The following PTPRD variants were observed in gnomAD, a reference collection of about 807,000 sequenced individuals.
PTPRD encodes the protein receptor-type tyrosine-protein phosphatase delta.
PTPRD carries 34 observed loss-of-function variants against 214.5 expected under a neutral mutation model. The ratio of observed to expected loss-of-function variants is 0.16; its 90% CI spans 0.12 to 0.21. The LOEUF is 0.21. Among genes scored for constraint, PTPRD ranks in the 10% least tolerant of loss-of-function variants. The probability of loss-of-function intolerance (pLI) is 1.00; values close to 1 mark genes in which losing one functional copy is unlikely to be tolerated. For synonymous variants in PTPRD, 1,128 were observed against 845.7 expected (o/e 1.33, Z -5.79); for missense variants, 2,545 against 2,398.7 (o/e 1.06, Z -1.27).
intron 5 of PTPRD, among the ~76,000 whole-genome samples, chr9:9,892,616 T>G (rs191674153): frequency 6.6e-6 from 1 of 152,000 alleles, no homozygotes; most frequent in Non-Finnish European, 1.5e-5. Flanking sequence ...GGCCAAACTG[T>G]TGGGAAATGA....
chr9:9,894,713 C>G (rs1284173805), intron 5 of PTPRD, among the ~76,000 whole-genome samples: 1 of 151,998 alleles, frequency 6.6e-6, no homozygotes. Flanking sequence ...TAATATCTCT[C>G]TTTTTTATTA....
chr9:9,911,794 G>A (rs2079264933), intron 5 of PTPRD, among the ~76,000 whole-genome samples: 1 of 151,968 alleles, frequency 6.6e-6, no homozygotes, highest in Non-Finnish European at 1.5e-5. Context: ...AAGAGAAAAT[G>A]TTAATAAAAT....
chr9:10,413,108 G>T lies in PTPRD; in HGVS notation c.-599-72091C>A, dbSNP rs1321526846. ...ATTCAACATAGTATTGAAAGTCATAGGAAGAGCAATCAGGCAAGAGAAAGA... is the reference window on the plus strand; with the variant it reads ...ATTCAACATAGTATTGAAAGTCATATGAAGAGCAATCAGGCAAGAGAAAGA... On this transcript the variant is annotated intron_variant, in intron 2 of 45. Transcript: ENST00000381196. Among the ~76,000 whole-genome samples, 5 of 151,890 alleles carry T rather than the reference G, an allele frequency of 3.3e-5. No individual in the cohort carries two copies. The East Asian group carries it at 9.8e-4, about 30-fold the overall frequency.
chr9:9,417,843 C>T (rs978535105), intron 8 of PTPRD, among the ~76,000 whole-genome samples: 2 of 152,042 alleles, frequency 1.3e-5, no homozygotes, highest in Non-Finnish European at 2.9e-5. Context: ...GCACTTTGAA[C>T]ATACCTATGC....
intron 7 of PTPRD, among the ~76,000 whole-genome samples, chr9:9,673,654 T>G (rs1481380953): frequency 6.6e-6 from 1 of 151,608 alleles, no homozygotes; most frequent in Non-Finnish European, 1.5e-5. Context: ...AAAATATTTC[T>G]GTATCAATGA....
intron 11 of PTPRD, among the ~76,000 whole-genome samples, chr9:8,991,211 T>A (rs2099365260): frequency 6.9e-6 from 1 of 145,358 alleles, no homozygotes; most frequent in Admixed American, 6.9e-5. Context: ...AGAGTGACAC[T>A]CTGTCTCAAA....
chr9:9,534,631 C>T (rs545048061), intron 8 of PTPRD, among the ~76,000 whole-genome samples: 2 of 151,948 alleles, frequency 1.3e-5, no homozygotes, highest in East Asian at 3.9e-4. Flanking sequence ...TAAGCTTTGC[C>T]CAGGAATAAC....
intron 7 of PTPRD, among the ~76,000 whole-genome samples, chr9:9,658,520 G>A (rs2096564049): frequency 6.6e-6 from 1 of 152,110 alleles, no homozygotes; most frequent in Non-Finnish European, 1.5e-5. Context: ...ATAACTGTTT[G>A]TAAAGCTAGA....
intron 9 of PTPRD, among the ~76,000 whole-genome samples, chr9:9,284,958 G>C (rs758627539): frequency 2.0e-5 from 3 of 151,748 alleles, no homozygotes; most frequent in East Asian, 2.0e-4. Context: ...GTTAGACAAT[G>C]TCAAGCTAAC....
At chr9:8,704,450 T>C (rs2098156650) in intron 12 of PTPRD, among the ~76,000 whole-genome samples, 1 of 151,960 alleles carries the variant, frequency 6.6e-6, no homozygotes, top group Non-Finnish European at 1.5e-5. Context: ...AAAAAGAAAA[T>C]CTGTTCCTGG....
At chr9:10,378,841 A>T (rs1361186627) in intron 2 of PTPRD, among the ~76,000 whole-genome samples, 1 of 151,924 alleles carries the variant, frequency 6.6e-6, no homozygotes, top group East Asian at 1.9e-4. Flanking sequence ...TTTATTTTCT[A>T]TTTCTGTGAA....
chr9:8,339,376 A>G (rs1850168370), intron 42 of PTPRD, among the ~76,000 whole-genome samples: 1 of 152,138 alleles, frequency 6.6e-6, no homozygotes, highest in Non-Finnish European at 1.5e-5. Flanking sequence ...TAATTACATC[A>G]GTCCTTGGAC....
chr9:9,200,079 T>C (rs897241083), intron 9 of PTPRD, among the ~76,000 whole-genome samples: 1 of 152,212 alleles, frequency 6.6e-6, no homozygotes, highest in Middle Eastern at 3.2e-3. Context: ...TGAAGGCTAA[T>C]GTTGACTCCC....
intron 2 of PTPRD, among the ~76,000 whole-genome samples, chr9:10,508,392 T>C (rs2046806802): frequency 6.6e-6 from 1 of 152,160 alleles, no homozygotes; most frequent in South Asian, 2.1e-4. Flanking sequence ...GTGCGGCGAT[T>C]CCTCAGGGAT....
Position 9,058,573 on chromosome 9 carries a change from C to T in PTPRD, c.-142-39838G>A, listed in dbSNP as rs1013230149. Among the ~76,000 whole-genome samples the T allele has an allele frequency of 2.7e-5, 4 of 149,312 alleles. No individual in the cohort carries two copies. The Admixed American group carries it at 2.7e-4, about 10-fold the overall frequency. ...CACGCCATTCTCCTGCCTCAGCCTCCCGAGTAGCTGGGACTACAGGCTCCC... is the reference window on the plus strand; with the variant it reads ...CACGCCATTCTCCTGCCTCAGCCTCTCGAGTAGCTGGGACTACAGGCTCCC... On this transcript the variant is annotated intron_variant, in intron 10 of 45. Coordinates refer to ENST00000381196, the MANE Select transcript of PTPRD (RefSeq NM_002839.4).
At chr9:9,340,475 A>C (rs185510417) in intron 9 of PTPRD, among the ~76,000 whole-genome samples, 2 of 152,352 alleles carry the variant, frequency 1.3e-5, no homozygotes, top group African/African-American at 4.8e-5. Flanking sequence ...TGTAGGAATG[A>C]CACCGAATGC....
chr9:10,425,965 A>G (rs1216960729), intron 2 of PTPRD, among the ~76,000 whole-genome samples: 1 of 152,004 alleles, frequency 6.6e-6, no homozygotes, highest in African/African-American at 2.4e-5. Context: ...ATATACATAT[A>G]CACACATACA....
At chr9:9,548,559 T>G in intron 8 of PTPRD, among the ~76,000 whole-genome samples, 1 of 151,880 alleles carries the variant, frequency 6.6e-6, no homozygotes, top group East Asian at 1.9e-4. Flanking sequence ...CCACCATGCC[T>G]GGCTAATTTT....
intron 10 of PTPRD, among the ~76,000 whole-genome samples, chr9:9,101,562 T>A (rs1224797411): frequency 1.3e-5 from 2 of 152,158 alleles, no homozygotes; most frequent in Non-Finnish European, 2.9e-5. Context: ...TGACTGACAT[T>A]TACAAAATAG....
Sources: allele counts gnomAD v4.1 joint callset (sites outside exome capture counted in the v4.1 genomes callset), GRCh38; gene constraint gnomAD v4.1.1; transcripts MANE v1.5; gene names NCBI Gene and HGNC (gene_info 2026-07-23, HGNC 2026-07-21).